Variants in CNBD1 observed in about 807,000 individuals in gnomAD.
CNBD1 encodes cyclic nucleotide-binding domain-containing protein 1.
Under a neutral mutation model 54.4 loss-of-function variants are expected in CNBD1, and 71 were observed. The ratio of observed to expected loss-of-function variants is 1.30; its 90% CI spans 1.08 to 1.59. The LOEUF (loss-of-function observed/expected upper bound fraction) is 1.59, where lower values mean the gene tolerates loss of function less well. CNBD1 is among the 40% of genes most tolerant of loss of function. The probability of loss-of-function intolerance (pLI) is 0.00; values close to 1 mark genes in which losing one functional copy is unlikely to be tolerated. For missense variants in CNBD1, 659 were observed against 518.0 expected, an observed-to-expected ratio of 1.27 and a Z score of -2.64; for synonymous variants, 182 against 170.7, an observed-to-expected ratio of 1.07 and a Z score of -0.51.
intron 10 of CNBD1, among the ~76,000 whole-genome samples, chr8:87,370,194 G>A (rs1406169906): frequency 6.6e-6 from 1 of 151,854 alleles, no homozygotes; most frequent in Admixed American, 6.6e-5. Context: ...ACATACGTGT[G>A]CATGTGTCTT....
Position 86,886,079 on chromosome 8 carries a change from T to C in CNBD1, c.89-1463T>C, listed in dbSNP as rs554225528. ...AGAATTCCTTAAACCTTGACCTTTT[T>C]CCAAATCTCTGTGGCACCATCTCCC... On this transcript the variant is annotated intron_variant, in intron 1 of 10. Coordinates refer to ENST00000518476, the MANE Select transcript of CNBD1 (RefSeq NM_173538.3). Among the ~76,000 whole-genome samples, 24 of 152,290 alleles carry C rather than the reference T, an allele frequency of 1.6e-4. No individual in the cohort carries two copies. In the East Asian group the frequency reaches 4.2e-3, roughly 27 times the overall value.
At position 87,376,468 on chromosome 8, in the gene CNBD1, A is replaced by G. The variant is rs145832147; in HGVS notation, c.1304-6152A>G. 3.7e-3 allele frequency among the ~76,000 whole-genome samples: 567 copies of G among 152,012 alleles called. 6 individuals are homozygous for G. The highest frequency in any genetic ancestry group is 0.013 in the African/African-American group (551 of 41,502). On this transcript the variant is annotated intron_variant, in intron 10 of 10. Transcript: ENST00000518476. ...CAACCTATGAATTTTTGAGGGATGT[A>G]ACCATTTAGCCCATGACACATGCTA...
At chr8:87,168,150 A>G (rs1379864646) in intron 4 of CNBD1, among the ~76,000 whole-genome samples, 1 of 151,812 alleles carries the variant, frequency 6.6e-6, no homozygotes, top group African/African-American at 2.4e-5. Flanking sequence ...GCACAGTTTT[A>G]TTTTTGCTTC....
intron 4 of CNBD1, among the ~76,000 whole-genome samples, chr8:87,034,485 A>G (rs74806364): frequency 0.029 from 4,385 of 152,322 alleles, 201 homozygotes; most frequent in African/African-American, 0.1. Context: ...GGTATGTACT[A>G]CAGTTAATTT....
intron 4 of CNBD1, among the ~76,000 whole-genome samples, chr8:86,994,761 G>A (rs1563851527): frequency 6.6e-6 from 1 of 152,200 alleles, no homozygotes; most frequent in South Asian, 2.1e-4. Flanking sequence ...AACTCTCGGT[G>A]TTTTCTGTCT....
chr8:87,207,601 A>T (rs1438726149), intron 5 of CNBD1, among the ~76,000 whole-genome samples: 1 of 151,582 alleles, frequency 6.6e-6, no homozygotes, highest in Non-Finnish European at 1.5e-5. Flanking sequence ...GCTAAAATTA[A>T]CTCTTTCTTC....
rs189033428 is a variant in CNBD1 at position 87,414,538 on chromosome 8, A to C, written c.214-14008A>C. On this transcript the variant is annotated intron_variant, in intron 2 of 7. Transcript: ENST00000521593. ...AAAGTATAATAATAAATAAAAAAAG[A>C]AATTAATATGTACTGGATATATGTG... 3.8e-3 allele frequency among the ~76,000 whole-genome samples: 573 copies of C among 152,228 alleles called. 6 individuals carry two copies. Among genetic ancestry groups the C allele is most frequent in the African/African-American group, 0.013 (557 of 41,558 alleles).
chr8:87,377,560 C>T (rs1311333835), intron 10 of CNBD1, among the ~76,000 whole-genome samples: 1 of 151,784 alleles, frequency 6.6e-6, no homozygotes, highest in Admixed American at 6.6e-5. Context: ...CATTGTTGGA[C>T]ATTTGTGTTG....
chr8:86,896,745 A>T (rs1203763227), intron 2 of CNBD1, among the ~76,000 whole-genome samples: 1 of 152,196 alleles, frequency 6.6e-6, no homozygotes, highest in East Asian at 1.9e-4. Context: ...TGTCAGCTAG[A>T]TTTGGCCATA....
chr8:87,281,997 CTG>C (rs1352016012), intron 6 of CNBD1, among the ~76,000 whole-genome samples: 5 of 151,078 alleles, frequency 3.3e-5, no homozygotes, highest in Admixed American at 6.6e-5. Flanking sequence ...TTTTCAATAA[CTG>C]TTTTGGTTAT....
intron 5 of CNBD1, among the ~76,000 whole-genome samples, chr8:87,217,138 G>A (rs1353371453): frequency 6.6e-6 from 1 of 152,122 alleles, no homozygotes; most frequent in Non-Finnish European, 1.5e-5. Flanking sequence ...ACCAATAAGA[G>A]AGTGAAGATG....
chr8:87,149,492 T>G (rs945604922), intron 4 of CNBD1, among the ~76,000 whole-genome samples: 1 of 152,176 alleles, frequency 6.6e-6, no homozygotes, highest in African/African-American at 2.4e-5. Context: ...AAGAAATGTA[T>G]GTGTGTTGGA....
chr8:87,052,378 C>T (rs1810329312), intron 4 of CNBD1, among the ~76,000 whole-genome samples: 1 of 152,196 alleles, frequency 6.6e-6, no homozygotes, highest in African/African-American at 2.4e-5. Flanking sequence ...TAAAGCTTCC[C>T]TCAGACTTTC....
chr8:87,114,636 C>T (rs1168399802), intron 4 of CNBD1, among the ~76,000 whole-genome samples: 1 of 152,220 alleles, frequency 6.6e-6, no homozygotes, highest in African/African-American at 2.4e-5. Flanking sequence ...AGGCATGACC[C>T]ATTGCTCCCA....
intron 4 of CNBD1, among the ~76,000 whole-genome samples, chr8:87,205,181 T>G (rs1033684097): frequency 1.3e-5 from 2 of 152,088 alleles, no homozygotes; most frequent in Admixed American, 1.3e-4. Context: ...TTTTAAAAAT[T>G]TGCTTGAAAA....
chr8:87,181,024 G>A (rs1171473922), intron 4 of CNBD1, among the ~76,000 whole-genome samples: 1 of 152,008 alleles, frequency 6.6e-6, no homozygotes, highest in Non-Finnish European at 1.5e-5. Flanking sequence ...ATCTGTCTAT[G>A]CTCTTCTATT....
exon 3 of CNBD1, chr8:87,428,607 G>T: frequency 2.2e-6 from 1 of 454,974 alleles, no homozygotes; most frequent in Non-Finnish European, 4.4e-6. Context: ...TTGGCCATCT[G>T]ACAGATGTAA....
intron 6 of CNBD1, among the ~76,000 whole-genome samples, chr8:87,282,697 A>G (rs905206221): frequency 4.6e-5 from 7 of 152,038 alleles, no homozygotes; most frequent in Non-Finnish European, 1.0e-4. Context: ...TAATTGAGAA[A>G]GAAAGCCTTA....
At position 87,394,005 on chromosome 8, in the gene CNBD1, AAG is replaced by A. The variant is rs550493087; in HGVS notation, c.214-34536_214-34535del. On this transcript the variant is annotated intron_variant, in intron 2 of 7. Coordinates refer to the CNBD1 transcript ENST00000521593. The stretch of plus-strand genomic sequence containing the variant: ...GAGTAAATGACCAGTCTGAATGGAG[AAG>A]AGAGTCCAATCAACTTCTAGTTTAA... Among the ~76,000 whole-genome samples, 592 of 151,986 alleles carry A rather than the reference AAG, an allele frequency of 3.9e-3. 5 individuals carry two copies. The highest frequency in any genetic ancestry group is 0.014 in the African/African-American group (566 of 41,540).
Sources: gnomAD v4.1 joint callset for allele counts (sites outside exome capture counted in the v4.1 genomes callset) on GRCh38, gnomAD v4.1.1 for gene constraint, MANE v1.5 for transcripts, NCBI Gene and HGNC (gene_info 2026-07-23, HGNC 2026-07-21) for gene names.